Variants in CSMD1 observed in about 807,000 individuals in gnomAD.
CSMD1 encodes CUB and Sushi multiple domains 1, also known as CUB and sushi domain-containing protein 1.
A neutral mutation model predicts 417.5 loss-of-function variants in CSMD1; 213 were observed. The ratio of observed to expected loss-of-function variants is 0.51; its 90% CI spans 0.46 to 0.57. The LOEUF (loss-of-function observed/expected upper bound fraction) is 0.57. Among genes scored for constraint, CSMD1 ranks in the 20% least tolerant of loss-of-function variants. The probability of loss-of-function intolerance (pLI) is 0.00; values close to 1 mark genes in which losing one functional copy is unlikely to be tolerated. For missense variants in CSMD1, 6,923 were observed against 4,529.7 expected, an observed-to-expected ratio of 1.53 and a Z score of -15.17; for synonymous variants, 2,862 against 1,736.8, an observed-to-expected ratio of 1.65 and a Z score of -16.11.
intron 5 of CSMD1, among the ~76,000 whole-genome samples, chr8:3,945,553 A>C (rs1230629572): frequency 6.6e-6 from 1 of 152,112 alleles, no homozygotes; most frequent in African/African-American, 2.4e-5. Context: ...AACTTTTGAG[A>C]GACAAGTTTA....
At chr8:3,839,530 T>C (rs1241806566) in intron 5 of CSMD1, among the ~76,000 whole-genome samples, 5 of 76,760 alleles carry the variant, frequency 6.5e-5, no homozygotes, top group Non-Finnish European at 1.4e-4. Context: ...TAAATATATG[T>C]TAAGATTTTA....
In CSMD1 at chr8:4,677,078, T is replaced by C. The variant is rs199987093; in HGVS notation, c.86-39520A>G. Among the ~76,000 whole-genome samples the C allele has an allele frequency of 1.6e-4, 23 of 146,254 alleles. No homozygotes were observed. In the East Asian group the frequency reaches 3.7e-3, roughly 24 times the overall value. ...GAATTATATATAGAGATATGATATA[T>C]ATAGGGATATATATTATAATATCTA... On this transcript the variant is annotated intron_variant, in intron 1 of 69. Coordinates refer to ENST00000635120, the MANE Select transcript of CSMD1 (RefSeq NM_033225.6).
intron 10 of CSMD1, among the ~76,000 whole-genome samples, chr8:3,527,894 A>G (rs1033834025): frequency 1.3e-5 from 2 of 152,198 alleles, no homozygotes; most frequent in East Asian, 1.9e-4. Flanking sequence ...CACCACGGAC[A>G]TTACAGGCTG....
chr8:4,003,031 C>T (rs781501048), intron 4 of CSMD1, among the ~76,000 whole-genome samples: 4 of 151,892 alleles, frequency 2.6e-5, no homozygotes, highest in Non-Finnish European at 5.9e-5. Flanking sequence ...AAAAACAACA[C>T]AATAAAAAAA....
At chr8:4,002,098 A>T (rs1334865924) in intron 4 of CSMD1, among the ~76,000 whole-genome samples, 1 of 152,184 alleles carries the variant, frequency 6.6e-6, no homozygotes, top group Non-Finnish European at 1.5e-5. Flanking sequence ...TGAATATTAC[A>T]CATATAAGAC....
intron 1 of CSMD1, among the ~76,000 whole-genome samples, chr8:4,742,909 A>AT (rs1810716859): frequency 6.6e-6 from 1 of 152,208 alleles, no homozygotes; most frequent in Non-Finnish European, 1.5e-5. Flanking sequence ...GTTAAAAAAA[A>AT]TCTGAAAATA....
chr8:3,690,154 T>G (rs570204442), intron 7 of CSMD1, among the ~76,000 whole-genome samples: 1 of 151,994 alleles, frequency 6.6e-6, no homozygotes, highest in Admixed American at 6.5e-5. Context: ...AGCCCAGGAG[T>G]TTGAGACCAG....
intron 2 of CSMD1, among the ~76,000 whole-genome samples, chr8:4,495,390 G>C (rs1324156848): frequency 6.6e-6 from 1 of 151,994 alleles, no homozygotes; most frequent in Non-Finnish European, 1.5e-5. Context: ...CATGGCCAAC[G>C]TGGTGAAACC....
intron 7 of CSMD1, among the ~76,000 whole-genome samples, chr8:3,648,049 A>G (rs889781769): frequency 9.9e-5 from 15 of 152,236 alleles, no homozygotes; most frequent in Admixed American, 6.5e-4. Flanking sequence ...ATCTACCTGC[A>G]TGGTTGGAGA....
At chr8:4,650,087 T>G (rs1319417155) in intron 1 of CSMD1, among the ~76,000 whole-genome samples, 1 of 152,188 alleles carries the variant, frequency 6.6e-6, no homozygotes, top group Non-Finnish European at 1.5e-5. Flanking sequence ...CATAAAAATA[T>G]CAATGACCAG....
chr8:4,791,945 C>CTT (rs5889063), intron 1 of CSMD1, among the ~76,000 whole-genome samples: 9 of 150,844 alleles, frequency 6.0e-5, no homozygotes, highest in Middle Eastern at 3.2e-3. Flanking sequence ...GTTAGTTTTC[C>CTT]TTTTTTTTTA....
intron 10 of CSMD1, among the ~76,000 whole-genome samples, chr8:3,511,111 T>C (rs958043587): frequency 1.3e-5 from 2 of 151,746 alleles, no homozygotes; most frequent in African/African-American, 4.9e-5. Flanking sequence ...ACCATCACTG[T>C]CAGCAAACTA....
intron 11 of CSMD1, among the ~76,000 whole-genome samples, chr8:3,474,177 T>C (rs573130695): frequency 1.3e-5 from 2 of 152,230 alleles, no homozygotes; most frequent in South Asian, 4.2e-4. Context: ...TTCTCCCACA[T>C]CCCAAAGCTG....
At chr8:4,387,189 AG>A (rs1803510194) in intron 3 of CSMD1, among the ~76,000 whole-genome samples, 1 of 152,244 alleles carries the variant, frequency 6.6e-6, no homozygotes, top group African/African-American at 2.4e-5. Flanking sequence ...TGTGGCTAGG[AG>A]GTATCTGAGT....
At chr8:3,480,041 A>T (rs545753382) in intron 11 of CSMD1, among the ~76,000 whole-genome samples, 1 of 152,156 alleles carries the variant, frequency 6.6e-6, no homozygotes, top group Admixed American at 6.6e-5. Context: ...TCCTACACTA[A>T]ACAACAGAGA....
At chr8:4,618,686 TA>T (rs1299626067) in intron 2 of CSMD1, among the ~76,000 whole-genome samples, 1 of 152,150 alleles carries the variant, frequency 6.6e-6, no homozygotes, top group Non-Finnish European at 1.5e-5. Flanking sequence ...TCACTCTAGC[TA>T]AAATATTAGA....
At chr8:4,437,363 C>A (rs1401075580) in intron 2 of CSMD1, among the ~76,000 whole-genome samples, 1 of 152,110 alleles carries the variant, frequency 6.6e-6, no homozygotes, top group Non-Finnish European at 1.5e-5. Flanking sequence ...GTATTGCTAA[C>A]ATCCTTGTAT....
intron 2 of CSMD1, among the ~76,000 whole-genome samples, chr8:4,424,472 T>C (rs1025556574): frequency 6.6e-6 from 1 of 151,750 alleles, no homozygotes; most frequent in African/African-American, 2.4e-5. Flanking sequence ...GGAATGCAAA[T>C]TAAAACCACA....
At chr8:4,661,556 T>C (rs974792480) in intron 1 of CSMD1, among the ~76,000 whole-genome samples, 1 of 152,184 alleles carries the variant, frequency 6.6e-6, no homozygotes, top group Non-Finnish European at 1.5e-5. Context: ...AAATATTCTG[T>C]ATCTCCAATG....
Sources: allele counts gnomAD v4.1 joint callset (sites outside exome capture counted in the v4.1 genomes callset), GRCh38; gene constraint gnomAD v4.1.1; transcripts MANE v1.5; gene names NCBI Gene and HGNC (gene_info 2026-07-23, HGNC 2026-07-21).